The following ADORA1 variants were observed in gnomAD, a reference collection of about 807,000 sequenced individuals.
The protein encoded by ADORA1 is adenosine A1 receptor, also known as adenosine receptor A1.
ADORA1 carries 6 observed loss-of-function variants against 19.9 expected under a neutral mutation model. That is an observed-to-expected ratio of 0.30 (90% CI 0.17 to 0.59). ADORA1 has a LOEUF of 0.59. Ranked by LOEUF, ADORA1 falls within the 20% of genes least tolerant of loss-of-function variation. The pLI is 0.87. For missense variants in ADORA1, 302 were observed against 439.2 expected (o/e 0.69, Z 2.79); for synonymous variants, 194 against 188.4 (o/e 1.03, Z -0.24).
At position 203,165,021 on chromosome 1, in the gene ADORA1, T is replaced by C. The variant is rs1469168187; in HGVS notation, c.342-240T>C. ...GCTCCTCTGTGATTTTCTATTATTA[T>C]TTTTGTCATTAATCAGGATTTCCTC... On this transcript the variant is annotated intron_variant, in intron 3 of 3. Coordinates refer to ENST00000337894, the MANE Select transcript of ADORA1 (RefSeq NM_000674.3). The surrounding 1 kb of genome is among the most constrained non-coding windows in gnomAD (Gnocchi z 5.9). The C allele has an allele frequency of 6.5e-7, 1 of 1,545,990 alleles. No individual in the cohort carries two copies. The highest frequency in any genetic ancestry group is 1.4e-5 in the African/African-American group (1 of 72,814).
chr1:203,150,488 A>G, intron 3 of ADORA1: 1 of 645,722 alleles, frequency 1.5e-6, no homozygotes, highest in Non-Finnish European at 2.3e-6. Context: ...CAAAGAGAGC[A>G]TCAGGAGATA....
chr1:203,132,144 C>G (rs1413732993), intron 3 of ADORA1, among the ~76,000 whole-genome samples: 1 of 152,162 alleles, frequency 6.6e-6, no homozygotes, highest in Admixed American at 6.5e-5. Context: ...TCATCAGTAA[C>G]CTGTGGTCAT....
At chr1:203,137,092 C>G (rs1481240764) in intron 3 of ADORA1, among the ~76,000 whole-genome samples, 1 of 152,008 alleles carries the variant, frequency 6.6e-6, no homozygotes, top group Non-Finnish European at 1.5e-5. Flanking sequence ...TGGAAATGCC[C>G]CAGCCCAGAA....
At chr1:203,159,627 C>T (rs560562213) in intron 3 of ADORA1, among the ~76,000 whole-genome samples, 1 of 152,306 alleles carries the variant, frequency 6.6e-6, no homozygotes, top group African/African-American at 2.4e-5. Context: ...CTTGGTAGGT[C>T]TTTTCACTCT....
intron 3 of ADORA1, among the ~76,000 whole-genome samples, chr1:203,158,741 C>T (rs1655271341): frequency 6.6e-6 from 1 of 152,216 alleles, no homozygotes; most frequent in African/African-American, 2.4e-5. Flanking sequence ...GAAGTTTACT[C>T]AGCTCACATT....
At chr1:203,134,208 A>G (rs1449986166) in intron 3 of ADORA1, among the ~76,000 whole-genome samples, 1 of 152,138 alleles carries the variant, frequency 6.6e-6, no homozygotes, top group African/African-American at 2.4e-5. Context: ...TCCTCCTCCC[A>G]TCTGGATGCT....
chr1:203,164,983 A>G, intron 3 of ADORA1: 1 of 1,507,578 alleles, frequency 6.6e-7, no homozygotes, highest in Non-Finnish European at 9.0e-7. Context: ...ATTTCCTTGA[A>G]ATTCATAAAG....
Position 203,165,164 on chromosome 1 carries a change from C to T in ADORA1, c.342-97C>T. 2 of 1,589,896 alleles carry T rather than the reference C, an allele frequency of 1.3e-6. No homozygotes were observed. Among genetic ancestry groups the T allele is most frequent in the Non-Finnish European group, 1.7e-6 (2 of 1,168,770 alleles). ...CACCGGGCCCTGGAAGAGGAGGGTGCTCCTCTTAGAGGCCCCTGGAGGCCA... is the reference window on the plus strand; with the variant it reads ...CACCGGGCCCTGGAAGAGGAGGGTGTTCCTCTTAGAGGCCCCTGGAGGCCA... On this transcript the variant is annotated intron_variant, in intron 3 of 3. Coordinates refer to ENST00000337894, the MANE Select transcript of ADORA1 (RefSeq NM_000674.3). This position sits in a 1 kb window ranked among gnomAD's most constrained non-coding sequence, Gnocchi z 5.9.
At position 203,150,765 on chromosome 1, in the gene ADORA1, G is replaced by C. The variant is rs147637967; in HGVS notation, c.342-14496G>C. On this transcript the variant is annotated intron_variant, in intron 3 of 3. Coordinates refer to ENST00000337894, the MANE Select transcript of ADORA1 (RefSeq NM_000674.3). ...AGTGTGGGGGTGGACTCTTTCTTTG[G>C]AAAGATTTCCAAGGTGGTGAGCTCT... is the stretch of plus-strand genomic sequence containing the variant. The C allele has an allele frequency of 9.0e-5, 116 of 1,289,784 alleles. 2 individuals are homozygous for C. In the East Asian group the frequency reaches 6.1e-3, roughly 68 times the overall value. 79.9% of individuals were successfully genotyped at this position (1,289,784 alleles called of 1,614,324 possible).
rs905824461 is a variant in ADORA1, at chr1:203,150,721, G to A, written c.342-14540G>A. On this transcript the variant is annotated intron_variant, in intron 3 of 3. Coordinates refer to ENST00000337894, the MANE Select transcript of ADORA1 (RefSeq NM_000674.3). ...AGGACTTTCTAATGTGGAAGCACAA[G>A]CTGTGGAATGCGGAGCTGAGTGTGG... is the stretch of plus-strand genomic sequence containing the variant. The A allele has an allele frequency of 6.2e-6, 8 of 1,289,840 alleles. No individual in the cohort carries two copies. The Middle Eastern group carries it at 8.5e-4, about 137-fold the overall frequency. The allele number at this position is 1,289,840 out of a possible 1,614,324, so 79.9% of individuals were successfully genotyped here. A position where few individuals can be genotyped will look rare whatever the true frequency, so the allele number is the denominator to read the frequency against.
chr1:203,154,963 G>A (rs796704525), intron 3 of ADORA1, among the ~76,000 whole-genome samples: 5 of 151,904 alleles, frequency 3.3e-5, no homozygotes, highest in African/African-American at 1.2e-4. Context: ...ATGTGTCTTC[G>A]CTGGTTGGTC....
rs1220868352 is a variant in ADORA1 at position 203,128,806 on chromosome 1, G to A, written c.-36G>A. The A allele has an allele frequency of 7.1e-6, 11 of 1,555,902 alleles. No individual in the cohort carries two copies. Among genetic ancestry groups the A allele is most frequent in the South Asian group, 6.0e-5 (5 of 82,760 alleles). On this transcript the variant is annotated 5_prime_UTR_variant, in exon 3 of 4. The change creates a new upstream start codon in the 5' untranslated region. Transcript: ENST00000337894. The surrounding 1 kb of genome is among the most constrained non-coding windows in gnomAD (Gnocchi z 5.9). ...ACAGGTGCTTGCCTCGTGCCCCTTG[G>A]TGCCCGTCTGCTGATGTGCCCAGCC...
Position 203,165,959 on chromosome 1 carries a change from T to C in ADORA1, c.*59T>C, listed in dbSNP as rs1408296926. On this transcript the variant is annotated 3_prime_UTR_variant, in exon 4 of 4. Coordinates refer to ENST00000337894, the MANE Select transcript of ADORA1 (RefSeq NM_000674.3). This position sits in a 1 kb window ranked among gnomAD's most constrained non-coding sequence, Gnocchi z 5.9. ...GTGGGGTCTCAGTCCAGTCCTCACA[T>C]GCCCGCTGTCCCAGGGGTCTCCCTG... The C allele has an allele frequency of 4.8e-5, 72 of 1,501,578 alleles. No homozygotes were observed. The East Asian group carries it at 1.6e-3, about 34-fold the overall frequency. 93.0% of individuals were successfully genotyped at this position (1,501,578 alleles called of 1,614,324 possible).
At chr1:203,144,098 A>G (rs1347523549) in intron 3 of ADORA1, among the ~76,000 whole-genome samples, 1 of 151,568 alleles carries the variant, frequency 6.6e-6, no homozygotes, top group Non-Finnish European at 1.5e-5. Flanking sequence ...ACACACACAC[A>G]CACACACACA....
chr1:203,141,835 G>A (rs920352749), intron 3 of ADORA1, among the ~76,000 whole-genome samples: 1 of 151,924 alleles, frequency 6.6e-6, no homozygotes. Context: ...CATCTGCCTC[G>A]GTCTCCCAAA....
intron 3 of ADORA1, among the ~76,000 whole-genome samples, chr1:203,154,716 C>G (rs536458727): frequency 3.3e-5 from 5 of 152,170 alleles, no homozygotes; most frequent in Non-Finnish European, 7.3e-5. Flanking sequence ...ACCTGGATAG[C>G]CCCAGGGCTT....
At chr1:203,158,258 A>G (rs533173803) in intron 3 of ADORA1, among the ~76,000 whole-genome samples, 5 of 152,358 alleles carry the variant, frequency 3.3e-5, no homozygotes, top group South Asian at 4.1e-4. Context: ...TAGATATCCC[A>G]GTTAGTTGCT....
At chr1:203,158,718 T>C (rs140250074) in intron 3 of ADORA1, among the ~76,000 whole-genome samples, 184 of 152,288 alleles carry the variant, frequency 1.2e-3, no homozygotes, top group Non-Finnish European at 2.4e-3. Context: ...AACTGGGTAA[T>C]TTATAAAGAA....
chr1:203,147,994 G>A (rs996029593), intron 3 of ADORA1, among the ~76,000 whole-genome samples: 9 of 152,270 alleles, frequency 5.9e-5, no homozygotes, highest in African/African-American at 1.4e-4. Flanking sequence ...CGAGGGAGGC[G>A]GATCATTTGA....
Sources: allele counts gnomAD v4.1 joint callset (sites outside exome capture counted in the v4.1 genomes callset), GRCh38; gene constraint gnomAD v4.1.1; non-coding constraint Gnocchi (gnomAD v3.1); transcripts MANE v1.5; gene names NCBI Gene and HGNC (gene_info 2026-07-23, HGNC 2026-07-21).